Variants in HERC2 observed in about 807,000 individuals in gnomAD.
HERC2 encodes the protein HECT and RLD domain containing E3 ubiquitin protein ligase 2, also known as E3 ubiquitin-protein ligase HERC2.
A neutral mutation model predicts 537.7 loss-of-function variants in HERC2; 102 were observed. That is an observed-to-expected ratio of 0.19 (90% CI 0.16 to 0.22). HERC2 has a LOEUF of 0.22. Among genes scored for constraint, HERC2 ranks in the 10% least tolerant of loss-of-function variants. The pLI is 1.00. For missense variants in HERC2, 4,236 were observed against 6,198.2 expected, an observed-to-expected ratio of 0.68 and a Z score of 10.63; for synonymous variants, 2,224 against 2,466.2, an observed-to-expected ratio of 0.90 and a Z score of 2.91.
intron 35 of HERC2, among the ~76,000 whole-genome samples, chr15:28,225,318 T>C (rs184505743): frequency 3.3e-5 from 5 of 152,030 alleles, no homozygotes; most frequent in African/African-American, 1.2e-4. Context: ...AGAGCAGCCA[T>C]AAATTAAATA....
chr15:28,187,974 T>G (rs1896474284), intron 55 of HERC2, among the ~76,000 whole-genome samples: 1 of 152,192 alleles, frequency 6.6e-6, no homozygotes, highest in Non-Finnish European at 1.5e-5. Flanking sequence ...AATTACTTTT[T>G]ATTGCCTAAA....
rs928218037 is a variant in HERC2, at chr15:28,167,674, A to T, written c.10554+13T>A. 3 of 1,613,628 alleles carry T rather than the reference A, an allele frequency of 1.9e-6. No individual in the cohort carries two copies. The highest frequency in any genetic ancestry group is 2.5e-6 in the Non-Finnish European group (3 of 1,179,866). The stretch of plus-strand genomic sequence containing the variant: ...ATTTCACAATACAAAGTTAAAGAAG[A>T]ACGCCTCTTCACCTCTTTGGTTTTG... On this transcript the variant is annotated intron_variant, in intron 68 of 92. Transcript: ENST00000261609.
rs775469615 is a variant in HERC2, at chr15:28,269,339, C to T, written c.1355G>A (p.Gly452Glu). The T allele has an allele frequency of 6.2e-7, 1 of 1,614,184 alleles. No individual in the cohort carries two copies. Among genetic ancestry groups the T allele is most frequent in the Non-Finnish European group, 8.5e-7 (1 of 1,180,016 alleles). Residue 452 changes from glycine to glutamate, a missense_variant, in exon 11 of 93, where the codon GGA becomes GAA. Transcript: ENST00000261609. Reference sequence around the variant, plus strand: ...CTCTGCACAGGCAATCTGTGTGACTCCCAGGTTGGCCAGGCCTTCGCACTG... The same window carrying T: ...CTCTGCACAGGCAATCTGTGTGACTTCCAGGTTGGCCAGGCCTTCGCACTG... ...PIQCEGLANL[G>E]VTQIACAEKR...
At chr15:28,125,752 G>A (rs1027163091) in intron 83 of HERC2, among the ~76,000 whole-genome samples, 26 of 152,058 alleles carry the variant, frequency 1.7e-4, no homozygotes, top group African/African-American at 6.3e-4. Flanking sequence ...ACGGTTCACT[G>A]CAGCCTCAAC....
intron 20 of HERC2, among the ~76,000 whole-genome samples, chr15:28,252,140 G>A (rs115152254): frequency 0.019 from 2,969 of 152,268 alleles, 96 homozygotes; most frequent in African/African-American, 0.067. Context: ...AAATTAAACA[G>A]ATAAAATATT....
Position 28,229,821 on chromosome 15 carries a change from A to G in HERC2, c.4836T>C (p.Thr1612=). ...PKDKWQPLLS[T]VTGVHKYKWL... ...ACTTGTATTTGTGAACACCTGTAACAGTACTCAACAGCGGCTGCCATTTGT... is the reference window on the plus strand; with the variant it reads ...ACTTGTATTTGTGAACACCTGTAACGGTACTCAACAGCGGCTGCCATTTGT... Residue 1612 remains threonine (T), a synonymous_variant, in exon 32 of 93, where the codon ACT becomes ACC. Coordinates refer to ENST00000261609, the MANE Select transcript of HERC2 (RefSeq NM_004667.6). 7.3e-7 allele frequency: 1 copy of G among 1,363,528 alleles called. No homozygotes were observed. The highest frequency in any genetic ancestry group is 1.0e-6 in the Non-Finnish European group (1 of 954,538). 84.5% of individuals were successfully genotyped at this position (1,363,528 alleles called of 1,614,324 possible).
At chr15:28,154,352 T>C (rs1458233066) in intron 69 of HERC2, among the ~76,000 whole-genome samples, 2 of 152,246 alleles carry the variant, frequency 1.3e-5, no homozygotes, top group Non-Finnish European at 2.9e-5. Context: ...TTTGTCTCTC[T>C]TTTTGAGTCC....
At chr15:28,292,064 C>T (rs1295267891) in intron 4 of HERC2, among the ~76,000 whole-genome samples, 1 of 151,286 alleles carries the variant, frequency 6.6e-6, no homozygotes, top group African/African-American at 2.4e-5. Context: ...TTCGTCTCTA[C>T]TAAAAATACA....
chr15:28,128,699 G>A (rs1233523380), intron 83 of HERC2, among the ~76,000 whole-genome samples: 6 of 152,180 alleles, frequency 3.9e-5, no homozygotes, highest in East Asian at 1.9e-4. Context: ...CCCACAGCCC[G>A]GCTGGCTTAA....
rs1596315826 is a variant in HERC2, at chr15:28,246,046, C to T, written c.3412G>A (p.Val1138Ile). Residue 1138 changes from valine (V) to isoleucine (I), a missense_variant, in exon 23 of 93, where the codon GTA becomes ATA. Around this residue, in one of 27 missense-constraint regions of HERC2, gnomAD observed 754 missense variants for 1,085.0 expected, o/e 0.69. Transcript: ENST00000261609. ...DFTGVLLPEL[V>I]VSIVLLLSKN... is the part of the protein sequence containing the mutation. ...CTGAGCAGAAGCACTATAGAAACTA[C>T]TAGTTCTGGAAGGAGAACACCTACA... 6.2e-7 allele frequency: 1 copy of T among 1,607,952 alleles called. No individual in the cohort carries two copies. The highest frequency in any genetic ancestry group is 8.5e-7 in the Non-Finnish European group (1 of 1,176,314).
Position 28,293,029 on chromosome 15 carries a change from A to G in HERC2, c.188-7T>C. The G allele has an allele frequency of 6.3e-7, 1 of 1,597,782 alleles. No homozygotes were observed. The highest frequency in any genetic ancestry group is 8.5e-7 in the Non-Finnish European group (1 of 1,176,636). ...CTTGGTTCGACACTATCATCTGCAG[A>G]ATTAAAAATTTTTTAATCTGTCACC... On this transcript the variant is annotated splice_polypyrimidine_tract_variant and splice_region_variant and intron_variant, in intron 3 of 92. Coordinates refer to ENST00000261609, the MANE Select transcript of HERC2 (RefSeq NM_004667.6).
chr15:28,262,551 A>C (rs548633417), intron 15 of HERC2, among the ~76,000 whole-genome samples: 1 of 152,170 alleles, frequency 6.6e-6, no homozygotes, highest in African/African-American at 2.4e-5. Context: ...TCCACAGCAC[A>C]ATGCACACTC....
At chr15:28,285,606 AATAAT>A (rs1294393202) in intron 4 of HERC2, among the ~76,000 whole-genome samples, 1 of 151,978 alleles carries the variant, frequency 6.6e-6, no homozygotes, top group East Asian at 1.9e-4. Flanking sequence ...GAAACAAATC[AATAAT>A]ATAAGTGCCC....
At chr15:28,207,200 A>G (rs1229317933) in intron 44 of HERC2, among the ~76,000 whole-genome samples, 1 of 151,752 alleles carries the variant, frequency 6.6e-6, no homozygotes, top group Admixed American at 6.6e-5. Flanking sequence ...CAGTGGCACA[A>G]TCTTGGCAAA....
intron 68 of HERC2, among the ~76,000 whole-genome samples, chr15:28,166,858 G>A (rs918073271): frequency 6.6e-6 from 1 of 152,150 alleles, no homozygotes; most frequent in Admixed American, 6.5e-5. Context: ...GACCATTTGG[G>A]TGTCAAATAA....
chr15:28,315,041 T>C (rs1436041978), intron 2 of HERC2, among the ~76,000 whole-genome samples: 1 of 152,136 alleles, frequency 6.6e-6, no homozygotes. Flanking sequence ...ATAGAAAAAA[T>C]GTGCTGACTC....
intron 4 of HERC2, among the ~76,000 whole-genome samples, chr15:28,284,901 G>A (rs1223400522): frequency 4.4e-5 from 5 of 114,532 alleles, no homozygotes; most frequent in Admixed American, 1.2e-4. Context: ...TGGGCAAAAG[G>A]AGCGAAACTC....
chr15:28,135,170 C>T (rs1890506314), intron 79 of HERC2, among the ~76,000 whole-genome samples: 1 of 152,084 alleles, frequency 6.6e-6, no homozygotes, highest in Non-Finnish European at 1.5e-5. Context: ...GTATCACGCA[C>T]GTTACACAAA....
intron 79 of HERC2, 63 bp from the exon 80 acceptor site, chr15:28,132,893 T>TA: frequency 7.8e-7 from 1 of 1,279,378 alleles, no homozygotes; most frequent in Non-Finnish European, 1.0e-6. Flanking sequence ...TTTCAGTGTA[T>TA]TAAATACCTC....
Sources: gnomAD v4.1 joint callset for allele counts (sites outside exome capture counted in the v4.1 genomes callset) on GRCh38, gnomAD v4.1.1 for gene constraint, gnomAD v4.1.1 regional missense constraint, MANE v1.5 for transcripts, NCBI Gene and HGNC (gene_info 2026-07-23, HGNC 2026-07-21) for gene names.